Variants in TGIF1 observed in about 807,000 individuals in gnomAD.
TGIF1 encodes the protein homeobox protein TGIF1.
Under a neutral mutation model 19.3 loss-of-function variants are expected in TGIF1, and 4 were observed. That is an observed-to-expected ratio of 0.21 (90% CI 0.10 to 0.47). The LOEUF (loss-of-function observed/expected upper bound fraction) is 0.47. TGIF1 is among the 20% of genes least tolerant of loss of function. The pLI is 0.98. For missense variants in TGIF1, 275 were observed against 341.4 expected (o/e 0.81, Z 1.53); for synonymous variants, 122 against 129.3 (o/e 0.94, Z 0.38).
chr18:3,437,755 A>T (rs976242725), intron 2 of TGIF1, among the ~76,000 whole-genome samples: 1 of 152,246 alleles, frequency 6.6e-6, no homozygotes, highest in Admixed American at 6.5e-5. Flanking sequence ...TAGAATCACT[A>T]ATCCCCTTGG....
Position 3,422,679 on chromosome 18 carries a change from T to TGTTTTTTTG in TGIF1, c.-45+4464_-45+4465insGTTTTTTTG, listed in dbSNP as rs71366657. On this transcript the variant is annotated intron_variant, in intron 2 of 3. Coordinates refer to the TGIF1 transcript ENST00000401449. ...AGTGCCCTATATAGGTGGCCTTTTT[T>TGTTTTTTTG]TTTTTTTTTTTTTTTTTTTTTTTTT... is the stretch of plus-strand genomic sequence containing the variant. 2.8e-4 allele frequency among the ~76,000 whole-genome samples: 30 copies of TGTTTTTTTG among 106,874 alleles called. 6 individuals are homozygous for TGTTTTTTTG. Among genetic ancestry groups the TGTTTTTTTG allele is most frequent in the Non-Finnish European group, 2.9e-4 (15 of 52,620 alleles). 70.1% of individuals were successfully genotyped at this position (106,874 alleles called of 152,430 possible). A position where few individuals can be genotyped will look rare whatever the true frequency, so the allele number is the denominator to read the frequency against.
chr18:3,451,931 T>C lies in TGIF1; in HGVS notation c.16+1426T>C, dbSNP rs767856711. ...GACAGGTCTAGAGACACGCGCTGTC[T>C]GTTGTGGTGGGCCTCCCGGGAATAA... On this transcript the variant is annotated intron_variant, in intron 1 of 2. Transcript: ENST00000343820. The surrounding 1 kb of genome is among the most constrained non-coding windows in gnomAD (Gnocchi z 5.4). 6.5e-7 allele frequency: 1 copy of C among 1,540,762 alleles called. No individual in the cohort carries two copies. The highest frequency in any genetic ancestry group is 2.0e-5 in the Admixed American group (1 of 51,002).
At chr18:3,439,685 C>T (rs1363624807) in intron 2 of TGIF1, among the ~76,000 whole-genome samples, 6 of 151,520 alleles carry the variant, frequency 4.0e-5, no homozygotes, top group Non-Finnish European at 7.4e-5. Context: ...GACTAGTAGA[C>T]GTGTGTGAAT....
upstream of TGIF1, among the ~76,000 whole-genome samples, chr18:3,446,476 G>A (rs1466805974): frequency 6.6e-5 from 10 of 152,300 alleles, no homozygotes; most frequent in Admixed American, 3.3e-4. Flanking sequence ...GAGCCACAGC[G>A]CCCTGCCTAT....
intron 2 of TGIF1, among the ~76,000 whole-genome samples, chr18:3,439,528 A>G (rs1353237062): frequency 6.6e-6 from 1 of 151,932 alleles, no homozygotes; most frequent in Non-Finnish European, 1.5e-5. Flanking sequence ...TTTTTAGTAG[A>G]GATGGGATTT....
At chr18:3,442,955 G>A (rs1313637182) in intron 2 of TGIF1, among the ~76,000 whole-genome samples, 1 of 152,182 alleles carries the variant, frequency 6.6e-6, no homozygotes, top group African/African-American at 2.4e-5. Context: ...ACTTTGGTGA[G>A]ATTTTAAATA....
At chr18:3,426,509 A>C (rs2082471592) in intron 2 of TGIF1, among the ~76,000 whole-genome samples, 1 of 152,144 alleles carries the variant, frequency 6.6e-6, no homozygotes, top group African/African-American at 2.4e-5. Flanking sequence ...TAGACTGATA[A>C]TGGAGAATGT....
chr18:3,445,766 A>AAAAAAC (rs2082737288), upstream of TGIF1, among the ~76,000 whole-genome samples: 6 of 15,818 alleles, frequency 3.8e-4, no homozygotes, highest in South Asian at 2.5e-3. Flanking sequence ...GAAGAAAAGC[A>AAAAAAC]AAAAAAAAAA....
rs949013532 is a variant in TGIF1 at position 3,451,837 on chromosome 18, C to T, written c.16+1332C>T. The T allele has an allele frequency of 1.4e-6, 2 of 1,389,742 alleles. No individual in the cohort carries two copies. Among genetic ancestry groups the T allele is most frequent in the South Asian group, 3.7e-5 (2 of 53,616 alleles). 86.1% of individuals were successfully genotyped at this position (1,389,742 alleles called of 1,614,324 possible). ...GGGAGGACTCGGGACAGGGAATTGG[C>T]CCTGGGAGAAAACGCGCGGGGGGCG... is the stretch of plus-strand genomic sequence containing the variant. On this transcript the variant is annotated intron_variant, in intron 1 of 2. Coordinates refer to ENST00000343820, the MANE Select transcript of TGIF1 (RefSeq NM_003244.4). This position sits in a 1 kb window ranked among gnomAD's most constrained non-coding sequence, Gnocchi z 5.4.
chr18:3,429,937 C>A (rs1056701613), intron 2 of TGIF1, among the ~76,000 whole-genome samples: 3 of 152,206 alleles, frequency 2.0e-5, no homozygotes, highest in Admixed American at 2.0e-4. Flanking sequence ...GGTGGATCAC[C>A]TGCGGTCAGG....
At chr18:3,445,267 G>A (rs1378305278), upstream of TGIF1, among the ~76,000 whole-genome samples, 1 of 152,142 alleles carries the variant, frequency 6.6e-6, no homozygotes, top group African/African-American at 2.4e-5. Flanking sequence ...AACATCCCGG[G>A]CAGAGGGGAC....
At chr18:3,429,182 G>A (rs1295326422) in intron 2 of TGIF1, among the ~76,000 whole-genome samples, 1 of 152,132 alleles carries the variant, frequency 6.6e-6, no homozygotes, top group Non-Finnish European at 1.5e-5. Flanking sequence ...TCAGCCTCCT[G>A]AGTATTTGAG....
chr18:3,447,930 G>A (rs1477460725), upstream of TGIF1: 11 of 1,459,504 alleles, frequency 7.5e-6, no homozygotes, highest in Middle Eastern at 1.7e-4. Context: ...TCCCATCTCG[G>A]TTGCCTGAGA....
chr18:3,450,354 A>G lies in TGIF1; in HGVS notation c.-136A>G, dbSNP rs2082865500. 2 of 1,508,798 alleles carry G rather than the reference A, an allele frequency of 1.3e-6. No individual in the cohort carries two copies. The highest frequency in any genetic ancestry group is 4.4e-5 in the Admixed American group (2 of 45,972). 93.5% of individuals were successfully genotyped at this position (1,508,798 alleles called of 1,614,324 possible). ...CGCCTGGGATCAGAGCGTCCTGTTT[A>G]GCAATAACGGCTGGAGCACGTCCTA... On this transcript the variant is annotated 5_prime_UTR_variant, in exon 1 of 3. Transcript: ENST00000343820.
chr18:3,424,324 T>C (rs144897305), intron 2 of TGIF1, among the ~76,000 whole-genome samples: 11 of 152,228 alleles, frequency 7.2e-5, no homozygotes, highest in African/African-American at 2.4e-4. Flanking sequence ...GAAAACACAA[T>C]CATCATGTTA....
chr18:3,429,812 A>C lies in TGIF1; in HGVS notation c.-45+11597A>C, dbSNP rs540881607. Among the ~76,000 whole-genome samples the C allele has an allele frequency of 2.6e-5, 4 of 152,362 alleles. No individual in the cohort carries two copies. In the South Asian group the frequency reaches 8.3e-4, roughly 32 times the overall value. Reference sequence around the variant, plus strand: ...ACATTGCAACTAACTTCTGAGAAACAATCACTATTGTGTTTTAGTGTTGTC... The same window carrying C: ...ACATTGCAACTAACTTCTGAGAAACCATCACTATTGTGTTTTAGTGTTGTC... On this transcript the variant is annotated intron_variant, in intron 2 of 3. Coordinates refer to the TGIF1 transcript ENST00000401449.
At chr18:3,422,685 T>TTTTTTTG (rs2082418836) in intron 2 of TGIF1, among the ~76,000 whole-genome samples, 1 of 125,058 alleles carries the variant, frequency 8.0e-6, no homozygotes, top group African/African-American at 3.0e-5. Context: ...TTTTTTTTTT[T>TTTTTTTG]TTTTTTTTTT....
upstream of TGIF1, chr18:3,447,741 T>A (rs1178211321): frequency 2.5e-6 from 4 of 1,614,094 alleles, no homozygotes; most frequent in Non-Finnish European, 3.4e-6. Flanking sequence ...CGTTTGGATA[T>A]GACTTGCTCG....
upstream of TGIF1, among the ~76,000 whole-genome samples, chr18:3,445,367 C>T (rs539626651): frequency 3.3e-5 from 5 of 152,150 alleles, no homozygotes; most frequent in South Asian, 6.2e-4. Flanking sequence ...GTTACCAGGT[C>T]GGCCATGTCT....
Sources: allele counts gnomAD v4.1 joint callset (sites outside exome capture counted in the v4.1 genomes callset), GRCh38; gene constraint gnomAD v4.1.1; non-coding constraint Gnocchi (gnomAD v3.1); transcripts MANE v1.5; gene names NCBI Gene and HGNC (gene_info 2026-07-23, HGNC 2026-07-21).